CCDC33: variants seen among roughly 807,000 people sequenced by gnomAD.
CCDC33 encodes the protein coiled-coil domain containing 33.
CCDC33 carries 94 observed loss-of-function variants against 91.9 expected under a neutral mutation model. That is an observed-to-expected ratio of 1.02 (90% CI 0.87 to 1.21). The LOEUF (loss-of-function observed/expected upper bound fraction) is 1.21. Among genes scored for constraint, CCDC33 ranks in the 50% most tolerant of loss-of-function variants. CCDC33 has a pLI of 0.00. For synonymous variants in CCDC33, 396 were observed against 374.5 expected, an observed-to-expected ratio of 1.06 and a Z score of -0.66; for missense variants, 940 against 935.5, an observed-to-expected ratio of 1.00 and a Z score of -0.06.
chr15:74,283,413 T>C (rs536545023), intron 10 of CCDC33, among the ~76,000 whole-genome samples: 1 of 152,294 alleles, frequency 6.6e-6, no homozygotes, highest in South Asian at 2.1e-4. Flanking sequence ...GACTGACTAG[T>C]GGGCCCAGGC....
chr15:74,286,226 A>G (rs891677634), intron 10 of CCDC33, among the ~76,000 whole-genome samples: 2 of 152,226 alleles, frequency 1.3e-5, no homozygotes, highest in African/African-American at 4.8e-5. Flanking sequence ...AGCCTGGACA[A>G]CAGAGCAAGA....
In CCDC33 at chr15:74,244,226, C is replaced by A. The variant is rs1209629941; in HGVS notation, c.185+78C>A. On this transcript the variant is annotated intron_variant, in intron 2 of 18. Coordinates refer to ENST00000398814, the MANE Select transcript of CCDC33 (RefSeq NM_025055.5). The surrounding 1 kb of genome is among the most constrained non-coding windows in gnomAD (Gnocchi z 4.2). The stretch of plus-strand genomic sequence containing the variant: ...AACCAGGGGACAGCTATTTGGAATA[C>A]TAGCACCCAAAGGCCCAGGACTGGG... 3.3e-6 allele frequency: 5 copies of A among 1,524,044 alleles called. No homozygotes were observed. The highest frequency in any genetic ancestry group is 2.7e-6 in the Non-Finnish European group (3 of 1,128,510). The allele number at this position is 1,524,044 out of a possible 1,614,324, so 94.4% of individuals were successfully genotyped here. A position where few individuals can be genotyped will look rare whatever the true frequency, so the allele number is the denominator to read the frequency against.
At chr15:74,308,669 A>G (rs1446033026) in intron 11 of CCDC33, among the ~76,000 whole-genome samples, 1 of 152,322 alleles carries the variant, frequency 6.6e-6, no homozygotes, top group East Asian at 1.9e-4. Context: ...TCAAACAGAC[A>G]AAAGGGGGCT....
intron 4 of CCDC33, among the ~76,000 whole-genome samples, chr15:74,267,180 G>A (rs904467634): frequency 6.6e-6 from 1 of 152,200 alleles, no homozygotes; most frequent in South Asian, 2.1e-4. Flanking sequence ...AATCCTCAAG[G>A]TAAATTACAT....
chr15:74,317,887 GTTTTT>G lies in CCDC33; in HGVS notation c.1291-12283_1291-12279del, dbSNP rs71137385. Among the ~76,000 whole-genome samples, 242 of 110,470 alleles carry G rather than the reference GTTTTT, an allele frequency of 2.2e-3. 1 individual carries two copies. Among genetic ancestry groups the G allele is most frequent in the African/African-American group, 8.2e-3 (234 of 28,468 alleles). 72.5% of individuals were successfully genotyped at this position (110,470 alleles called of 152,430 possible). On this transcript the variant is annotated intron_variant, in intron 11 of 18. Coordinates refer to ENST00000398814, the MANE Select transcript of CCDC33 (RefSeq NM_025055.5). ...GTGGCGGGCTGGCTTGTTTGGGTTT[GTTTTT>G]TTTTTTTTTTTTTTTTTTGCTTCCC...
At position 74,332,793 on chromosome 15, in the gene CCDC33, A is replaced by G; in HGVS notation, c.1886A>G (p.Asp629Gly). Residue 629 changes from aspartate to glycine, a missense_variant, in exon 16 of 19, where the codon GAT becomes GGT. Asp to Gly is a moderately conservative substitution (Grantham distance 94). Transcript: ENST00000398814. ...AENAKLRTEL[D>G]KNRHQQAPII... ...AACGCGAAGCTGCGGACGGAGCTGG[A>G]TAAGAACCGCCACCAGCAGGCCCCC... 6.2e-7 allele frequency: 1 copy of G among 1,614,172 alleles called. No individual in the cohort carries two copies. The highest frequency in any genetic ancestry group is 1.3e-5 in the African/African-American group (1 of 75,044).
intron 2 of CCDC33, among the ~76,000 whole-genome samples, chr15:74,252,668 C>T (rs1433365041): frequency 2.0e-5 from 3 of 152,156 alleles, no homozygotes; most frequent in African/African-American, 7.2e-5. Context: ...CCCATCTGGC[C>T]GCTGGCTCCT....
intron 1 of CCDC33, chr15:74,208,053 A>C: frequency 6.9e-6 from 9 of 1,299,124 alleles, no homozygotes; most frequent in Non-Finnish European, 6.9e-6. Flanking sequence ...TCATCATAAC[A>C]TAAAGGATTT....
At chr15:74,318,511 C>T (rs2060139113) in intron 11 of CCDC33, 1 of 644,968 alleles carries the variant, frequency 1.6e-6, no homozygotes, top group Non-Finnish European at 2.8e-6. Context: ...CAGGGCTGGG[C>T]TTGGTCACCA....
chr15:74,334,499 C>G (rs1322718832), intron 17 of CCDC33, among the ~76,000 whole-genome samples: 1 of 143,900 alleles, frequency 6.9e-6, no homozygotes. Context: ...AGTATACAAC[C>G]AGGGTCAGGG....
At chr15:74,219,454 A>G (rs953427098) in intron 2 of CCDC33, among the ~76,000 whole-genome samples, 5 of 152,226 alleles carry the variant, frequency 3.3e-5, no homozygotes, top group Non-Finnish European at 7.3e-5. Flanking sequence ...GCTTGATGCC[A>G]TTTAATGTCA....
At chr15:74,228,205 A>G (rs1374297166) in intron 2 of CCDC33, among the ~76,000 whole-genome samples, 1 of 152,176 alleles carries the variant, frequency 6.6e-6, no homozygotes, top group Admixed American at 6.5e-5. Flanking sequence ...GGCGCAGTAG[A>G]GGGGTGGAAA....
Position 74,331,031 on chromosome 15 carries a change from A to G in CCDC33, c.1596A>G (p.Pro532=). The change falls in exon 14 of 19, where the codon CCA becomes CCG. Residue 532 remains proline, a synonymous_variant. Coordinates refer to ENST00000398814, the MANE Select transcript of CCDC33 (RefSeq NM_025055.5). ...ELLLLYQAQQ[P]QAALLKQYQG... ...TCCTTCTGTATCAGGCCCAGCAGCC[A>G]CAGGCCGCTCTGCTGAAGCAGTACC... is the stretch of plus-strand genomic sequence containing the variant. 1 of 1,612,012 alleles carries G rather than the reference A, an allele frequency of 6.2e-7. No individual in the cohort carries two copies.
intron 11 of CCDC33, among the ~76,000 whole-genome samples, chr15:74,298,364 A>G (rs1405762150): frequency 6.6e-6 from 1 of 152,110 alleles, no homozygotes; most frequent in Non-Finnish European, 1.5e-5. Flanking sequence ...TATAGAATGG[A>G]TCTGAGAGGT....
chr15:74,249,702 TA>T (rs1048367790), intron 2 of CCDC33, among the ~76,000 whole-genome samples: 15 of 152,062 alleles, frequency 9.9e-5, no homozygotes, highest in Non-Finnish European at 2.2e-4. Flanking sequence ...GCACTAGGGG[TA>T]AATTGCTTAT....
In CCDC33 at chr15:74,290,040, A is replaced by C. The variant is rs544337184; in HGVS notation, c.1096-5714A>C. Reference sequence around the variant, plus strand: ...AGCTTCTAGACAAAACTTCTCAGAAAATGGGAGTTGGTCTTGGGATTTCCC... The same window carrying C: ...AGCTTCTAGACAAAACTTCTCAGAACATGGGAGTTGGTCTTGGGATTTCCC... On this transcript the variant is annotated intron_variant, in intron 10 of 18. Coordinates refer to ENST00000398814, the MANE Select transcript of CCDC33 (RefSeq NM_025055.5). Among the ~76,000 whole-genome samples, 286 of 151,832 alleles carry C rather than the reference A, an allele frequency of 1.9e-3. 2 individuals are homozygous for C. Among genetic ancestry groups the C allele is most frequent in the Non-Finnish European group, 2.0e-3 (137 of 68,020 alleles).
upstream of CCDC33, among the ~76,000 whole-genome samples, chr15:74,231,950 G>A (rs1001028161): frequency 6.6e-6 from 1 of 152,168 alleles, no homozygotes; most frequent in Non-Finnish European, 1.5e-5. Flanking sequence ...GGAGGCGGAG[G>A]TTGCAGTTAG....
chr15:74,272,556 G>A (rs1220962332), intron 6 of CCDC33, among the ~76,000 whole-genome samples: 2 of 152,198 alleles, frequency 1.3e-5, no homozygotes, highest in Non-Finnish European at 2.9e-5. Flanking sequence ...GAGTTTTTAT[G>A]ACTTATGAAG....
At chr15:74,270,093 A>G (rs1326713960) in intron 5 of CCDC33, among the ~76,000 whole-genome samples, 1 of 152,250 alleles carries the variant, frequency 6.6e-6, no homozygotes, top group Non-Finnish European at 1.5e-5. Flanking sequence ...AATGTGATGA[A>G]GGGATTCAGT....
Sources: gnomAD v4.1 joint callset for allele counts (sites outside exome capture counted in the v4.1 genomes callset) on GRCh38, gnomAD v4.1.1 for gene constraint, Gnocchi (gnomAD v3.1) non-coding constraint, MANE v1.5 for transcripts, NCBI Gene and HGNC (gene_info 2026-07-23, HGNC 2026-07-21) for gene names.